Variants in RYK observed in about 807,000 individuals in gnomAD.
RYK encodes inactive tyrosine-protein kinase RYK.
Under a neutral mutation model 70.2 loss-of-function variants are expected in RYK, and 21 were observed. That is an observed-to-expected ratio of 0.30 (90% CI 0.21 to 0.43). The LOEUF (loss-of-function observed/expected upper bound fraction) is 0.43. Among genes scored for constraint, RYK ranks in the 20% least tolerant of loss-of-function variants. The pLI is 1.00. For missense variants in RYK, 604 were observed against 753.3 expected (o/e 0.80, Z 2.32); for synonymous variants, 267 against 278.0 (o/e 0.96, Z 0.39).
In RYK at chr3:134,195,210, T is replaced by C. The variant is rs111975227; in HGVS notation, c.789-28A>G. The C allele has an allele frequency of 1.8e-4, 270 of 1,532,244 alleles. No individual in the cohort carries two copies. In the African/African-American group the frequency reaches 3.0e-3, roughly 17 times the overall value. The allele number at this position is 1,532,244 out of a possible 1,614,324, so 94.9% of individuals were successfully genotyped here. Reference sequence around the variant, plus strand: ...GCAAACAATTTTTGAGAGAAATATTTGACAAGTCAGTTTCAATGAGAAATT... The same window carrying C: ...GCAAACAATTTTTGAGAGAAATATTCGACAAGTCAGTTTCAATGAGAAATT... On this transcript the variant is annotated intron_variant, in intron 6 of 14. Coordinates refer to ENST00000623711, the MANE Select transcript of RYK (RefSeq NM_002958.4).
At chr3:134,210,016 T>C (rs2014339158) in intron 3 of RYK, among the ~76,000 whole-genome samples, 187 bp from the exon 4 acceptor site, 1 of 152,184 alleles carries the variant, frequency 6.6e-6, no homozygotes. Context: ...CTCTAGACAT[T>C]AAGCATTTAA....
chr3:134,178,166 C>A (rs1418229473), intron 10 of RYK, 93 bp from the exon 11 acceptor site: 39 of 862,106 alleles, frequency 4.5e-5, no homozygotes, highest in Non-Finnish European at 2.7e-5. Context: ...AAAACAAAAT[C>A]CCCAAAATAC....
chr3:134,201,110 C>T (rs985448779), intron 6 of RYK, among the ~76,000 whole-genome samples: 45 of 152,240 alleles, frequency 3.0e-4, no homozygotes, highest in Admixed American at 2.9e-3. Flanking sequence ...TGTATCCTCT[C>T]TCAAAGTCCT....
chr3:134,186,594 G>A lies in RYK; in HGVS notation c.1102+2243C>T, dbSNP rs561844843. Among the ~76,000 whole-genome samples, 10 of 152,178 alleles carry A rather than the reference G, an allele frequency of 6.6e-5. No homozygotes were observed. The South Asian group carries it at 1.2e-3, about 19-fold the overall frequency. On this transcript the variant is annotated intron_variant, in intron 9 of 14. Coordinates refer to ENST00000623711, the MANE Select transcript of RYK (RefSeq NM_002958.4). ...ACTCACTGTGCTTTCTCTTATTTCC[G>A]CACAGCTCACAGAGAACATTATAAT... is the stretch of plus-strand genomic sequence containing the variant.
At chr3:134,181,587 T>C (rs2013295977) in intron 10 of RYK, 1 of 152,336 alleles carries the variant, frequency 6.6e-6, no homozygotes, top group African/African-American at 2.4e-5. Flanking sequence ...TCACCTTATT[T>C]TTCAGCAGAA....
At chr3:134,193,430 G>T (rs1392983722) in intron 7 of RYK, among the ~76,000 whole-genome samples, 1 of 152,186 alleles carries the variant, frequency 6.6e-6, no homozygotes, top group Non-Finnish European at 1.5e-5. Flanking sequence ...TGATCCGCCC[G>T]CCTTGGCCTC....
At position 134,249,332 on chromosome 3, in the gene RYK, A is replaced by G. The variant is rs77893106; in HGVS notation, c.232+1091T>C. Among the ~76,000 whole-genome samples the G allele has an allele frequency of 3.0e-3, 453 of 152,306 alleles. 3 individuals are homozygous for G. Among genetic ancestry groups the G allele is most frequent in the African/African-American group, 9.9e-3 (411 of 41,574 alleles). On this transcript the variant is annotated intron_variant, in intron 1 of 14. Coordinates refer to ENST00000623711, the MANE Select transcript of RYK (RefSeq NM_002958.4). ...CTGCTTTCAGTAATTCCATTTCTAC[A>G]CTGAGTCAATCTCAACACACCTCAA...
chr3:134,224,251 G>A lies in RYK; in HGVS notation c.233-1712C>T, dbSNP rs1012310625. ...CAAGGGGGCAGGGTAAGGAGTGTGA[G>A]TCATCTCCAATGATAGGTAAGGTCA... On this transcript the variant is annotated intron_variant, in intron 1 of 14. Coordinates refer to ENST00000623711, the MANE Select transcript of RYK (RefSeq NM_002958.4). Among the ~76,000 whole-genome samples the A allele has an allele frequency of 6.6e-5, 10 of 152,286 alleles. No individual in the cohort carries two copies. In the East Asian group the frequency reaches 1.9e-3, roughly 29 times the overall value.
At chr3:134,222,566 T>G in intron 1 of RYK, 27 bp from the exon 2 acceptor site, 3 of 1,490,644 alleles carry the variant, frequency 2.0e-6, no homozygotes, top group Non-Finnish European at 2.7e-6. Flanking sequence ...AAAAAATAAT[T>G]AAACACTTAA....
intron 8 of RYK, 93 bp downstream of exon 8, chr3:134,191,756 A>T: frequency 1.0e-6 from 1 of 997,208 alleles, no homozygotes; most frequent in Non-Finnish European, 1.4e-6. Flanking sequence ...CTTAGACACA[A>T]AATGAGATGA....
intron 11 of RYK, among the ~76,000 whole-genome samples, chr3:134,177,238 G>C (rs970317559): frequency 1.3e-5 from 2 of 152,110 alleles, no homozygotes; most frequent in African/African-American, 4.8e-5. Context: ...CCCAGCTTTA[G>C]TCTTGTCAAT....
At chr3:134,247,447 T>C (rs35432681) in intron 1 of RYK, among the ~76,000 whole-genome samples, 43,468 of 152,142 alleles carry the variant, frequency 0.29, 8,035 homozygotes, top group Middle Eastern at 0.46. Context: ...CTCACACCTG[T>C]AATCCCAGCA....
At chr3:134,201,663 T>A (rs867914659) in intron 6 of RYK, among the ~76,000 whole-genome samples, 1 of 152,112 alleles carries the variant, frequency 6.6e-6, no homozygotes, top group Admixed American at 6.5e-5. Flanking sequence ...TGGAGGCTTG[T>A]GGGAAGAAGA....
chr3:134,246,482 A>G (rs2048570781), intron 1 of RYK, among the ~76,000 whole-genome samples: 1 of 152,002 alleles, frequency 6.6e-6, no homozygotes, highest in East Asian at 1.9e-4. Flanking sequence ...AGAACCAACC[A>G]ACCAACCACA....
At chr3:134,224,075 T>C (rs1023609156) in intron 1 of RYK, among the ~76,000 whole-genome samples, 2 of 152,136 alleles carry the variant, frequency 1.3e-5, no homozygotes, top group African/African-American at 2.4e-5. Context: ...TTTTTCTCCT[T>C]GTGTGCGGAG....
intron 13 of RYK, among the ~76,000 whole-genome samples, chr3:134,169,568 TAA>T (rs1295361118): frequency 6.6e-6 from 1 of 152,184 alleles, no homozygotes; most frequent in African/African-American, 2.4e-5. Flanking sequence ...GCTCAACAGT[TAA>T]AAGTTGACGT....
intron 7 of RYK, among the ~76,000 whole-genome samples, chr3:134,193,794 G>A (rs1413539113): frequency 6.6e-6 from 1 of 151,938 alleles, no homozygotes; most frequent in Non-Finnish European, 1.5e-5. Context: ...AAACTGGGTC[G>A]GCTACCCTGG....
At chr3:134,187,612 T>A (rs1275311585) in intron 9 of RYK, among the ~76,000 whole-genome samples, 1 of 152,100 alleles carries the variant, frequency 6.6e-6, no homozygotes, top group Non-Finnish European at 1.5e-5. Flanking sequence ...TGGAGTACAG[T>A]GGCATGATCA....
At chr3:134,169,513 T>C (rs2012817728) in intron 13 of RYK, among the ~76,000 whole-genome samples, 2 of 152,158 alleles carry the variant, frequency 1.3e-5, no homozygotes, top group African/African-American at 4.8e-5. Context: ...TGGAATAATA[T>C]TAGACATTTA....
Sources: allele counts gnomAD v4.1 joint callset (sites outside exome capture counted in the v4.1 genomes callset), GRCh38; gene constraint gnomAD v4.1.1; transcripts MANE v1.5; gene names NCBI Gene and HGNC (gene_info 2026-07-23, HGNC 2026-07-21).